PCDHA9: variants seen among roughly 807,000 people sequenced by gnomAD.
PCDHA9 encodes the protein protocadherin alpha-9.
PCDHA9 carries 62 observed loss-of-function variants against 62.0 expected under a neutral mutation model. The ratio of observed to expected loss-of-function variants is 1.00; its 90% CI spans 0.81 to 1.23. The LOEUF is 1.23. Among genes scored for constraint, PCDHA9 ranks in the 50% most tolerant of loss-of-function variants. The probability of loss-of-function intolerance (pLI) is 0.00; values close to 1 mark genes in which losing one functional copy is unlikely to be tolerated. For missense variants in PCDHA9, 1,205 were observed against 1,249.8 expected, an observed-to-expected ratio of 0.96 and a Z score of 0.54; for synonymous variants, 557 against 567.6, an observed-to-expected ratio of 0.98 and a Z score of 0.27.
intron 1 of PCDHA9, chr5:140,882,353 G>A (rs782054546): frequency 2.5e-6 from 4 of 1,614,174 alleles, no homozygotes; most frequent in Non-Finnish European, 3.4e-6. Flanking sequence ...GACGGGTAGT[G>A]GCCAGCTCCA....
intron 1 of PCDHA9, chr5:140,863,268 G>A: frequency 6.9e-7 from 1 of 1,459,352 alleles, no homozygotes; most frequent in Non-Finnish European, 9.3e-7. Context: ...GGGAGGCAGC[G>A]CTGGTGGATG....
intron 1 of PCDHA9, chr5:140,968,575 G>C: frequency 6.2e-7 from 1 of 1,614,134 alleles, no homozygotes; most frequent in Non-Finnish European, 8.5e-7. Context: ...CTGGCTACCT[G>C]GTCACCAAAG....
At chr5:140,853,910 T>G (rs2042903621) in intron 1 of PCDHA9, 1 of 948,962 alleles carries the variant, frequency 1.1e-6, no homozygotes, top group Non-Finnish European at 1.3e-6. Context: ...GCCTGACACC[T>G]GCAATCCCAA....
intron 1 of PCDHA9, among the ~76,000 whole-genome samples, chr5:140,974,165 G>T (rs1298109600): frequency 6.6e-6 from 1 of 152,164 alleles, no homozygotes; most frequent in Non-Finnish European, 1.5e-5. Flanking sequence ...TTTCTTTCAA[G>T]AATTTTAACT....
chr5:140,967,334 A>T, intron 1 of PCDHA9: 1 of 1,608,228 alleles, frequency 6.2e-7, no homozygotes, highest in South Asian at 1.1e-5. Flanking sequence ...GCTCAGCCCC[A>T]GCGAGCACTT....
chr5:140,938,477 A>T (rs2092083791), intron 1 of PCDHA9, among the ~76,000 whole-genome samples: 1 of 152,178 alleles, frequency 6.6e-6, no homozygotes, highest in Non-Finnish European at 1.5e-5. Flanking sequence ...TATGTTTTTT[A>T]AAAATCATGA....
intron 3 of PCDHA9, among the ~76,000 whole-genome samples, chr5:141,002,678 C>T (rs1361402849): frequency 6.6e-6 from 1 of 152,136 alleles, no homozygotes; most frequent in Non-Finnish European, 1.5e-5. Context: ...AAAACCTATA[C>T]GACGTGCAGA....
chr5:140,855,885 A>C lies in PCDHA9; in HGVS notation c.2394+4996A>C, dbSNP rs182267691. The C allele has an allele frequency of 1.4e-3, 1,364 of 972,052 alleles. 77 individuals carry two copies. Among genetic ancestry groups the C allele is most frequent in the Non-Finnish European group, 3.0e-4 (200 of 667,108 alleles). The allele number at this position is 972,052 out of a possible 1,614,324, so 60.2% of individuals were successfully genotyped here. On this transcript the variant is annotated intron_variant, in intron 1 of 3. Coordinates refer to ENST00000532602, the MANE Select transcript of PCDHA9 (RefSeq NM_031857.2). ...TGTCGTCCACAAAATAGCTTTTTAG[A>C]ACAAAGGCATCAGCCAGTTTCTCAA...
chr5:141,008,678 G>C (rs1463545809), intron 3 of PCDHA9, among the ~76,000 whole-genome samples: 1 of 152,112 alleles, frequency 6.6e-6, no homozygotes, highest in Non-Finnish European at 1.5e-5. Flanking sequence ...ATATACTTTA[G>C]TTATTGCATG....
At chr5:141,001,957 G>A in intron 3 of PCDHA9, among the ~76,000 whole-genome samples, 1 of 152,294 alleles carries the variant, frequency 6.6e-6, no homozygotes, top group African/African-American at 2.4e-5. Flanking sequence ...AGGAGGGAGA[G>A]GCGGGGTGTC....
chr5:140,963,386 A>G (rs189164274), intron 1 of PCDHA9, among the ~76,000 whole-genome samples: 2 of 152,344 alleles, frequency 1.3e-5, no homozygotes, highest in Admixed American at 1.3e-4. Flanking sequence ...CTCTGTGCCA[A>G]GCTCCCTACT....
chr5:140,967,727 G>A, intron 1 of PCDHA9: 1 of 1,614,148 alleles, frequency 6.2e-7, no homozygotes. Context: ...GCGAGTAATT[G>A]GGGGGCTGGA....
At chr5:140,952,746 T>C (rs1554220596) in intron 1 of PCDHA9, among the ~76,000 whole-genome samples, 1 of 152,190 alleles carries the variant, frequency 6.6e-6, no homozygotes, top group Non-Finnish European at 1.5e-5. Context: ...CACACTGCTA[T>C]AAAAACACCT....
At chr5:140,917,518 C>T (rs1159309425) in intron 1 of PCDHA9, among the ~76,000 whole-genome samples, 3 of 152,198 alleles carry the variant, frequency 2.0e-5, no homozygotes, top group Non-Finnish European at 4.4e-5. Context: ...AGGTTTTATT[C>T]TACGGTTTGT....
intron 1 of PCDHA9, among the ~76,000 whole-genome samples, chr5:140,937,574 G>C (rs1320452651): frequency 1.3e-5 from 2 of 151,732 alleles, no homozygotes; most frequent in African/African-American, 4.9e-5. Context: ...CTGGGATCGC[G>C]TCACTGCACT....
intron 1 of PCDHA9, chr5:140,856,710 T>A: frequency 6.3e-7 from 1 of 1,596,610 alleles, no homozygotes; most frequent in Non-Finnish European, 8.6e-7. Context: ...AAACCTGAAT[T>A]TACCGGATCT....
chr5:140,935,957 A>G (rs1427987096), intron 1 of PCDHA9, among the ~76,000 whole-genome samples: 5 of 150,604 alleles, frequency 3.3e-5, no homozygotes, highest in African/African-American at 1.2e-4. Context: ...AAGTGGTACA[A>G]TCTTGGCTCA....
At position 140,850,009 on chromosome 5, in the gene PCDHA9, C is replaced by G. The variant is rs2150463255; in HGVS notation, c.1514C>G (p.Ser505Trp). The G allele has an allele frequency of 3.8e-5, 61 of 1,596,962 alleles. 4 individuals carry two copies. Among genetic ancestry groups the G allele is most frequent in the Non-Finnish European group, 5.1e-5 (60 of 1,167,842 alleles). Residue 505 changes from serine to tryptophan, a missense_variant, in exon 1 of 4, where the codon TCG becomes TGG. Physicochemically the swap from Ser to Trp is radical, Grantham distance 177. Transcript: ENST00000532602. ...VERRLGERSL[S>W]SYVSVHAESG... is the part of the protein sequence containing the mutation. ...CGGCGGTTGGGCGAGCGCTCGCTGT[C>G]GAGCTACGTGTCAGTGCACGCGGAG...
In PCDHA9 at chr5:140,848,872, T is replaced by C; in HGVS notation, c.377T>C (p.Ile126Thr). The change falls in exon 1 of 4, where the codon ATT (isoleucine) becomes ACT (threonine). Residue 126 changes from isoleucine to threonine, a missense_variant. Physicochemically the swap from Ile to Thr is moderately conservative, Grantham distance 89. Transcript: ENST00000532602. The part of the protein sequence containing the change: ...VFHVDVEVKD[I>T]NDNPPVFPAT... ...CATGTGGACGTGGAGGTGAAGGACA[T>C]TAACGACAACCCTCCAGTGTTCCCA... The C allele has an allele frequency of 6.3e-7, 1 of 1,590,738 alleles. No homozygotes were observed. The highest frequency in any genetic ancestry group is 8.6e-7 in the Non-Finnish European group (1 of 1,162,454).
Sources: gnomAD v4.1 joint callset for allele counts (sites outside exome capture counted in the v4.1 genomes callset) on GRCh38, gnomAD v4.1.1 for gene constraint, MANE v1.5 for transcripts, NCBI Gene and HGNC (gene_info 2026-07-23, HGNC 2026-07-21) for gene names.